The following STK24 variants were observed in gnomAD, a reference collection of about 807,000 sequenced individuals.
STK24 encodes serine/threonine kinase 24.
Under a neutral mutation model 55.6 loss-of-function variants are expected in STK24, and 21 were observed. That is an observed-to-expected ratio of 0.38 (90% CI 0.27 to 0.54). The LOEUF (loss-of-function observed/expected upper bound fraction) is 0.54. Ranked by LOEUF, STK24 falls within the 20% of genes least tolerant of loss-of-function variation. STK24 has a pLI of 0.79. For synonymous variants in STK24, 200 were observed against 215.2 expected, an observed-to-expected ratio of 0.93 and a Z score of 0.62; for missense variants, 383 against 538.4, an observed-to-expected ratio of 0.71 and a Z score of 2.86.
intron 6 of STK24, among the ~76,000 whole-genome samples, chr13:98,465,046 C>T (rs900791127): frequency 5.3e-5 from 8 of 152,126 alleles, no homozygotes; most frequent in South Asian, 2.1e-4. Context: ...GCATGGCCAC[C>T]GCAAGCAGCA....
At chr13:98,470,609 T>C (rs541669164) in intron 5 of STK24, among the ~76,000 whole-genome samples, 10 of 152,306 alleles carry the variant, frequency 6.6e-5, no homozygotes, top group East Asian at 1.9e-4. Context: ...AAGCTGCAAA[T>C]GCACACATTA....
chr13:98,550,446 C>G (rs918210308), intron 1 of STK24, among the ~76,000 whole-genome samples: 9 of 152,138 alleles, frequency 5.9e-5, no homozygotes, highest in African/African-American at 2.2e-4. Context: ...GGAGGATCGC[C>G]TGCGCCTGGG....
At position 98,457,206 on chromosome 13, in the gene STK24, G is replaced by C; in HGVS notation, c.1221C>G (p.Ser407=). The change falls in exon 10 of 11, where the codon TCC becomes TCG. Residue 407 remains serine (S), a synonymous_variant. Coordinates refer to ENST00000539966, the MANE Select transcript of STK24 (RefSeq NM_001032296.4). Reference sequence around the variant, plus strand: ...GCACGAGCTGGGCCACCATGGTGTCGGAGATGCCAGGGCACGCCTCCTCCG... The same window carrying C: ...GCACGAGCTGGGCCACCATGGTGTCCGAGATGCCAGGGCACGCCTCCTCCG... ...YLAEEACPGI[S]DTMVAQLVQR... 6.2e-7 allele frequency: 1 copy of C among 1,612,512 alleles called. No homozygotes were observed. Among genetic ancestry groups the C allele is most frequent in the South Asian group, 1.1e-5 (1 of 90,930 alleles).
chr13:98,547,672 T>G (rs561976350), intron 1 of STK24, among the ~76,000 whole-genome samples: 1 of 152,328 alleles, frequency 6.6e-6, no homozygotes, highest in East Asian at 1.9e-4. Context: ...CGCCATGGGC[T>G]GGGGAGGCAA....
chr13:98,478,098 A>AC (rs1894449618), intron 3 of STK24, among the ~76,000 whole-genome samples: 1 of 152,140 alleles, frequency 6.6e-6, no homozygotes, highest in African/African-American at 2.4e-5. Flanking sequence ...GCTGCTGTCT[A>AC]CCCCCCAGAG....
chr13:98,447,132 G>A lies in STK24; in HGVS notation c.*6041C>T. On this transcript the variant is annotated 3_prime_UTR_variant, in exon 11 of 11. Coordinates refer to ENST00000539966, the MANE Select transcript of STK24 (RefSeq NM_001032296.4). Reference sequence around the variant, plus strand: ...GTGAGACTGCCTACATGGTGTAATGGCAGGGACTGCAGACTTCATTTAGCC... The same window carrying A: ...GTGAGACTGCCTACATGGTGTAATGACAGGGACTGCAGACTTCATTTAGCC... 3.5e-6 allele frequency: 1 copy of A among 285,924 alleles called. No individual in the cohort carries two copies. Among genetic ancestry groups the A allele is most frequent in the Non-Finnish European group, 6.6e-6 (1 of 150,694 alleles). 17.7% of individuals were successfully genotyped at this position (285,924 alleles called of 1,614,324 possible). A position where few individuals can be genotyped will look rare whatever the true frequency, so the allele number is the denominator to read the frequency against.
At chr13:98,551,861 T>A (rs1031212474) in intron 1 of STK24, among the ~76,000 whole-genome samples, 7 of 152,196 alleles carry the variant, frequency 4.6e-5, no homozygotes, top group Non-Finnish European at 1.5e-5. Context: ...TAAATCTTTG[T>A]TGAGAAATGA....
chr13:98,521,625 A>T (rs1594636522), intron 1 of STK24: 3 of 605,270 alleles, frequency 5.0e-6, no homozygotes, highest in Non-Finnish European at 9.1e-6. Flanking sequence ...GCGGCCTTGA[A>T]CCTGCACCTC....
chr13:98,532,667 C>A (rs572183912), intron 1 of STK24, among the ~76,000 whole-genome samples: 70 of 152,322 alleles, frequency 4.6e-4, no homozygotes, highest in African/African-American at 1.6e-3. Flanking sequence ...CCAAGAAGCT[C>A]AAAGAATTGA....
chr13:98,498,043 T>C (rs1234186547), intron 2 of STK24, among the ~76,000 whole-genome samples: 5 of 152,222 alleles, frequency 3.3e-5, no homozygotes, highest in African/African-American at 9.6e-5. Flanking sequence ...TTTTCTGAAT[T>C]GGTTTTGGAG....
intron 1 of STK24, among the ~76,000 whole-genome samples, chr13:98,558,802 ATT>A (rs1897339201): frequency 1.3e-5 from 2 of 152,126 alleles, no homozygotes; most frequent in Non-Finnish European, 2.9e-5. Flanking sequence ...ATTTCTTACA[ATT>A]GAAAAACTGT....
At chr13:98,555,014 CAAAAAA>C (rs398024117) in intron 1 of STK24, among the ~76,000 whole-genome samples, 1 of 88,342 alleles carries the variant, frequency 1.1e-5, no homozygotes, top group African/African-American at 4.3e-5. Context: ...GACTCCAACT[CAAAAAA>C]AAAAAAAAAA....
intron 1 of STK24, among the ~76,000 whole-genome samples, chr13:98,520,997 C>G (rs1457764647): frequency 6.6e-6 from 1 of 152,204 alleles, no homozygotes; most frequent in Non-Finnish European, 1.5e-5. Flanking sequence ...TGGACATATA[C>G]CCAACGGGAA....
intron 9 of STK24, among the ~76,000 whole-genome samples, chr13:98,457,536 C>T (rs1374142202): frequency 6.9e-6 from 1 of 143,992 alleles, no homozygotes; most frequent in East Asian, 2.1e-4. Context: ...GTGGCGTGAT[C>T]TCAGCTCACT....
At chr13:98,464,495 CTTTTTTTTT>C (rs551373383) in intron 6 of STK24, among the ~76,000 whole-genome samples, 1 of 106,806 alleles carries the variant, frequency 9.4e-6, no homozygotes, top group East Asian at 2.8e-4. Context: ...TGTTGTTTAA[CTTTTTTTTT>C]TTTTTTTTTT....
chr13:98,484,464 C>T (rs1194935149), intron 2 of STK24, among the ~76,000 whole-genome samples: 1 of 152,180 alleles, frequency 6.6e-6, no homozygotes, highest in Non-Finnish European at 1.5e-5. Flanking sequence ...CGCCTCTTCT[C>T]CCACTGTAGC....
chr13:98,482,436 T>C (rs1020228766), intron 2 of STK24, 115 bp from the exon 3 acceptor site: 2 of 602,388 alleles, frequency 3.3e-6, no homozygotes, highest in East Asian at 6.0e-5. Flanking sequence ...TTTACAAACA[T>C]GTACCAGCAC....
chr13:98,478,298 C>CTGTAACAGGGACTCTGTAACAGG (rs1221720558), intron 3 of STK24, among the ~76,000 whole-genome samples: 2 of 152,238 alleles, frequency 1.3e-5, no homozygotes, highest in Non-Finnish European at 1.5e-5. Flanking sequence ...TCCCCTGCTT[C>CTGTAACAGGGACTCTGTAACAGG]GAAGCTCTGT....
rs536545028 is a variant in STK24, at chr13:98,489,677, C to T, written c.274-7356G>A. On this transcript the variant is annotated intron_variant, in intron 2 of 10. Transcript: ENST00000539966. ...GGCACCTGAGCTGCTCCCTGAAGGG[C>T]TGTGACCTGCCAGCCTGGGGCAGGG... 1.3e-3 allele frequency among the ~76,000 whole-genome samples: 198 copies of T among 152,300 alleles called. 3 individuals are homozygous for T. In the South Asian group the frequency reaches 0.016, roughly 12 times the overall value.
Sources: allele counts gnomAD v4.1 joint callset (sites outside exome capture counted in the v4.1 genomes callset), GRCh38; gene constraint gnomAD v4.1.1; transcripts MANE v1.5; gene names NCBI Gene and HGNC (gene_info 2026-07-23, HGNC 2026-07-21).